KCNQ1: variants seen among roughly 807,000 people sequenced by gnomAD.
KCNQ1 encodes potassium voltage-gated channel subfamily KQT member 1.
Under a neutral mutation model 72.4 loss-of-function variants are expected in KCNQ1, and 49 were observed. That is an observed-to-expected ratio of 0.68 (90% CI 0.54 to 0.86). The LOEUF (loss-of-function observed/expected upper bound fraction) is 0.86. Among genes scored for constraint, KCNQ1 ranks in the 40% least tolerant of loss-of-function variants. The pLI, the probability that KCNQ1 is intolerant of heterozygous loss-of-function variation, is 0.00. For missense variants in KCNQ1, 790 were observed against 945.1 expected (o/e 0.84, Z 2.15); for synonymous variants, 450 against 412.6 (o/e 1.09, Z -1.10).
chr11:2,578,445 G>C (rs546609092), intron 6 of KCNQ1, among the ~76,000 whole-genome samples: 1 of 152,346 alleles, frequency 6.6e-6, no homozygotes, highest in East Asian at 1.9e-4. Flanking sequence ...TGCCACGAGA[G>C]GGGACACCTG....
In KCNQ1 at chr11:2,823,115, C is replaced by T. The variant is rs534759790; in HGVS notation, c.1795-24652C>T. Among the ~76,000 whole-genome samples, 27 of 152,196 alleles carry T rather than the reference C, an allele frequency of 1.8e-4. 1 individual carries two copies. The highest frequency in any genetic ancestry group is 6.0e-4 in the African/African-American group (25 of 41,510). ...GACTAAAGAAAGGGCCCACTGAGAA[C>T]CTCTAGCAGAAAAGAGCAGCCACTG... On this transcript the variant is annotated intron_variant, in intron 15 of 15. Coordinates refer to ENST00000155840, the MANE Select transcript of KCNQ1 (RefSeq NM_000218.3).
At chr11:2,527,067 C>A (rs1353728542) in intron 1 of KCNQ1, among the ~76,000 whole-genome samples, 4 of 152,186 alleles carry the variant, frequency 2.6e-5, no homozygotes, top group Admixed American at 2.6e-4. Context: ...GCAGTGGCAG[C>A]AGCTCCCTAT....
chr11:2,476,330 A>G (rs1846568194), intron 1 of KCNQ1, among the ~76,000 whole-genome samples: 1 of 152,232 alleles, frequency 6.6e-6, no homozygotes, highest in South Asian at 2.1e-4. Context: ...CTAAAGAAGA[A>G]AAGTCTACTT....
intron 6 of KCNQ1, among the ~76,000 whole-genome samples, chr11:2,576,881 C>T (rs879598314): frequency 3.9e-5 from 6 of 152,334 alleles, no homozygotes; most frequent in African/African-American, 9.6e-5. Context: ...CCTGGGTCAG[C>T]GTTCTTCCTC....
rs1590034626 is a variant in KCNQ1 at position 2,690,121 on chromosome 11, G to A, written c.1514+28040G>A. The A allele has an allele frequency of 5.0e-6, 2 of 399,000 alleles. No individual in the cohort carries two copies. The highest frequency in any genetic ancestry group is 7.1e-5 in the East Asian group (2 of 28,090). The allele number at this position is 399,000 out of a possible 1,614,324, so 24.7% of individuals were successfully genotyped here. ...CGCTCTTCCGGGGTTAGAACTGGGG[G>A]AGCAGGGACAAAAAGCGGGCAGCCC... On this transcript the variant is annotated intron_variant, in intron 11 of 15. Coordinates refer to ENST00000155840, the MANE Select transcript of KCNQ1 (RefSeq NM_000218.3). This position sits in a 1 kb window ranked among gnomAD's most constrained non-coding sequence, Gnocchi z 5.1.
intron 15 of KCNQ1, among the ~76,000 whole-genome samples, chr11:2,800,729 A>G (rs114366506): frequency 0.017 from 2,570 of 152,180 alleles, 68 homozygotes; most frequent in African/African-American, 0.059. Flanking sequence ...AGTTTCTTCA[A>G]CCCTAAAATG....
chr11:2,810,405 T>G (rs367729791), intron 15 of KCNQ1, among the ~76,000 whole-genome samples: 2 of 152,264 alleles, frequency 1.3e-5, no homozygotes, highest in African/African-American at 4.8e-5. Context: ...TAAGTCAGAC[T>G]GAAGACATTT....
intron 15 of KCNQ1, among the ~76,000 whole-genome samples, chr11:2,798,415 T>C (rs370428899): frequency 2.7e-4 from 41 of 152,270 alleles, no homozygotes; most frequent in African/African-American, 8.7e-4. Flanking sequence ...AAAGCCTTCC[T>C]TGGGATCCTC....
Position 2,748,719 on chromosome 11 carries a change from C to T in KCNQ1, c.1515-20125C>T, listed in dbSNP as rs911820932. On this transcript the variant is annotated intron_variant, in intron 11 of 15. Coordinates refer to ENST00000155840, the MANE Select transcript of KCNQ1 (RefSeq NM_000218.3). The surrounding 1 kb of genome is among the most constrained non-coding windows in gnomAD (Gnocchi z 6.2). Reference sequence around the variant, plus strand: ...GTCCAGCCAGCTGCTGCTGCCCCTCCCTCTGGGCCTCAAGACCATCTGTCA... The same window carrying T: ...GTCCAGCCAGCTGCTGCTGCCCCTCTCTCTGGGCCTCAAGACCATCTGTCA... Among the ~76,000 whole-genome samples the T allele has an allele frequency of 3.9e-5, 6 of 152,340 alleles. No homozygotes were observed. Among genetic ancestry groups the T allele is most frequent in the Non-Finnish European group, 8.8e-5 (6 of 68,026 alleles).
At chr11:2,506,900 C>G (rs1019524013) in intron 1 of KCNQ1, among the ~76,000 whole-genome samples, 7 of 152,298 alleles carry the variant, frequency 4.6e-5, no homozygotes, top group African/African-American at 1.7e-4. Context: ...TCATTTCCAA[C>G]TTCTTCCATT....
At position 2,817,368 on chromosome 11, in the gene KCNQ1, A is replaced by T. The variant is rs140254674; in HGVS notation, c.1795-30399A>T. ...CTACCTTGAACCCCTGTTGCACCCC[A>T]GGAGGAGAATCACACCAGTGCCCCC... On this transcript the variant is annotated intron_variant, in intron 15 of 15. Transcript: ENST00000155840. The surrounding 1 kb of genome is among the most constrained non-coding windows in gnomAD (Gnocchi z 6.1). Among the ~76,000 whole-genome samples, 724 of 152,160 alleles carry T rather than the reference A, an allele frequency of 4.8e-3. 2 individuals carry two copies. Among genetic ancestry groups the T allele is most frequent in the Middle Eastern group, 0.01 (3 of 294 alleles).
In KCNQ1 at chr11:2,818,592, G is replaced by A. The variant is rs553017855; in HGVS notation, c.1795-29175G>A. 9.2e-5 allele frequency among the ~76,000 whole-genome samples: 14 copies of A among 152,248 alleles called. No homozygotes were observed. Among genetic ancestry groups the A allele is most frequent in the Middle Eastern group, 6.8e-3 (2 of 294 alleles). On this transcript the variant is annotated intron_variant, in intron 15 of 15. Transcript: ENST00000155840. The surrounding 1 kb of genome is among the most constrained non-coding windows in gnomAD (Gnocchi z 7.2). ...CCCCATCCCCACACGCACACAGCTTGGAGGCTGGAAGCCCCCGGAATGCGG... is the reference window on the plus strand; with the variant it reads ...CCCCATCCCCACACGCACACAGCTTAGAGGCTGGAAGCCCCCGGAATGCGG...
At chr11:2,699,457 C>T (rs927319491) in intron 11 of KCNQ1, 1 of 400,728 alleles carries the variant, frequency 2.5e-6, no homozygotes, top group Non-Finnish European at 4.4e-6. Flanking sequence ...TGAGGAGCCG[C>T]CGGGAGAGTG....
At position 2,803,031 on chromosome 11, in the gene KCNQ1, G is replaced by A. The variant is rs1847301866; in HGVS notation, c.1794+24994G>A. On this transcript the variant is annotated intron_variant, in intron 15 of 15. Coordinates refer to ENST00000155840, the MANE Select transcript of KCNQ1 (RefSeq NM_000218.3). This position sits in a 1 kb window ranked among gnomAD's most constrained non-coding sequence, Gnocchi z 6.4. Reference sequence around the variant, plus strand: ...AGCTGGCCCTGGCCACTCTCTCAGAGCAGGAGGTGACATGAAGGGAAGGTG... The same window carrying A: ...AGCTGGCCCTGGCCACTCTCTCAGAACAGGAGGTGACATGAAGGGAAGGTG... Among the ~76,000 whole-genome samples the A allele has an allele frequency of 6.6e-6, 1 of 152,232 alleles. No individual in the cohort carries two copies. Among genetic ancestry groups the A allele is most frequent in the South Asian group, 2.1e-4 (1 of 4,834 alleles).
In KCNQ1 at chr11:2,748,462, A is replaced by G. The variant is rs1202354022; in HGVS notation, c.1515-20382A>G. Among the ~76,000 whole-genome samples the G allele has an allele frequency of 6.6e-6, 1 of 152,162 alleles. No individual in the cohort carries two copies. Among genetic ancestry groups the G allele is most frequent in the East Asian group, 1.9e-4 (1 of 5,176 alleles). On this transcript the variant is annotated intron_variant, in intron 11 of 15. Transcript: ENST00000155840. The surrounding 1 kb of genome is among the most constrained non-coding windows in gnomAD (Gnocchi z 6.2). Reference sequence around the variant, plus strand: ...GGGTACCTCCCCAGGCAGGGCCCTCAGCACCTGATGCCAAACCAGGCTCCA... The same window carrying G: ...GGGTACCTCCCCAGGCAGGGCCCTCGGCACCTGATGCCAAACCAGGCTCCA...
At chr11:2,656,376 G>A in intron 10 of KCNQ1, 3 of 398,578 alleles carry the variant, frequency 7.5e-6, no homozygotes, top group Non-Finnish European at 1.3e-5. Flanking sequence ...TCCTTCCCTG[G>A]TCTCTCTAAG....
intron 11 of KCNQ1, among the ~76,000 whole-genome samples, chr11:2,743,724 G>T (rs1159006779): frequency 6.6e-6 from 1 of 152,224 alleles, no homozygotes; most frequent in South Asian, 2.1e-4. Flanking sequence ...TTGATTAGCC[G>T]CCATCTAAGG....
intron 11 of KCNQ1, chr11:2,667,154 C>T (rs997522184): frequency 1.0e-5 from 4 of 398,652 alleles, no homozygotes; most frequent in East Asian, 3.6e-5. Context: ...AATCAGATGC[C>T]CTCAATCTGG....
chr11:2,650,694 A>G, intron 10 of KCNQ1: 1 of 398,588 alleles, frequency 2.5e-6, no homozygotes. Flanking sequence ...TTCTGTATGC[A>G]GTTTTGCAGT....
Sources: allele counts gnomAD v4.1 joint callset (sites outside exome capture counted in the v4.1 genomes callset), GRCh38; gene constraint gnomAD v4.1.1; non-coding constraint Gnocchi (gnomAD v3.1); transcripts MANE v1.5; gene names NCBI Gene and HGNC (gene_info 2026-07-23, HGNC 2026-07-21).